The following FTCDNL1 variants were observed in gnomAD, a reference collection of about 807,000 sequenced individuals.
The protein encoded by FTCDNL1 is formiminotransferase N-terminal subdomain-containing protein.
In FTCDNL1, 11 loss-of-function variants were observed where a neutral mutation model predicts 5.9. The observed-to-expected ratio is 1.87, with a 90% confidence interval of 1.18 to 3.10. The LOEUF is 3.10. Ranked by LOEUF, FTCDNL1 falls within the 30% of genes most tolerant of loss-of-function variation. FTCDNL1 has a pLI of 0.00. For synonymous variants in FTCDNL1, 58 were observed against 24.8 expected, an observed-to-expected ratio of 2.34 and a Z score of -3.99; for missense variants, 115 against 65.5, an observed-to-expected ratio of 1.76 and a Z score of -2.61.
At chr2:199,667,718 T>A in the FTCDNL1 span, among the ~76,000 whole-genome samples, 1 of 152,202 alleles carries the variant, frequency 6.6e-6, no homozygotes, top group Non-Finnish European at 1.5e-5. Context: ...GTTCTTCCAC[T>A]TTATTAGTGG....
chr2:199,727,259 C>T, the FTCDNL1 span, among the ~76,000 whole-genome samples: 1 of 152,232 alleles, frequency 6.6e-6, no homozygotes, highest in African/African-American at 2.4e-5. Context: ...CCAGCACCAG[C>T]AGGGGAAAAT....
At chr2:199,712,870 C>T in the FTCDNL1 span, among the ~76,000 whole-genome samples, 1 of 152,322 alleles carries the variant, frequency 6.6e-6, no homozygotes, top group African/African-American at 2.4e-5. Context: ...AGAGCTCACC[C>T]TACTGCAGTA....
At chr2:199,753,908 T>A in the FTCDNL1 span, among the ~76,000 whole-genome samples, 1 of 152,192 alleles carries the variant, frequency 6.6e-6, no homozygotes. Flanking sequence ...TTACTGTGGA[T>A]TATGATTGGA....
At chr2:199,797,995 T>A (rs1470498780) in intron 3 of FTCDNL1, among the ~76,000 whole-genome samples, 1 of 152,194 alleles carries the variant, frequency 6.6e-6, no homozygotes, top group Non-Finnish European at 1.5e-5. Flanking sequence ...AGGAAGTAAG[T>A]CAGGTGTTTG....
At chr2:199,720,413 T>G in the FTCDNL1 span, among the ~76,000 whole-genome samples, 26 of 152,318 alleles carry the variant, frequency 1.7e-4, no homozygotes, top group African/African-American at 6.0e-4. Context: ...AGGGCTGCCA[T>G]AGCAAATTAC....
the FTCDNL1 span, among the ~76,000 whole-genome samples, chr2:199,752,991 C>T: frequency 2.6e-5 from 4 of 152,052 alleles, no homozygotes; most frequent in Non-Finnish European, 1.5e-5. Context: ...CGATAAGTGC[C>T]ACAAGTAAAT....
At chr2:199,792,749 G>A (rs1372646751) in intron 3 of FTCDNL1, among the ~76,000 whole-genome samples, 1 of 151,974 alleles carries the variant, frequency 6.6e-6, no homozygotes, top group Non-Finnish European at 1.5e-5. Context: ...TTATCTCCTC[G>A]TGTCTCTGCA....
chr2:199,719,711 T>G, the FTCDNL1 span, among the ~76,000 whole-genome samples: 2 of 152,126 alleles, frequency 1.3e-5, no homozygotes, highest in Admixed American at 6.6e-5. Flanking sequence ...CTCAGCTCAC[T>G]GCAACCTCTG....
At chr2:199,782,920 AT>A (rs531797545) in intron 3 of FTCDNL1, among the ~76,000 whole-genome samples, 1 of 152,148 alleles carries the variant, frequency 6.6e-6, no homozygotes, top group Admixed American at 6.5e-5. Flanking sequence ...AAGGACTATG[AT>A]TTTTTTGGGG....
chr2:199,836,023 T>C (rs1702713034), intron 3 of FTCDNL1, among the ~76,000 whole-genome samples: 1 of 152,224 alleles, frequency 6.6e-6, no homozygotes, highest in Non-Finnish European at 1.5e-5. Context: ...TTTTTAGCTG[T>C]AAATCTCAAC....
chr2:199,827,579 C>A (rs545332139), intron 3 of FTCDNL1, among the ~76,000 whole-genome samples: 7 of 151,576 alleles, frequency 4.6e-5, no homozygotes, highest in African/African-American at 1.5e-4. Context: ...GAGTGAAATA[C>A]CATGATCTTT....
At chr2:199,672,300 C>T in the FTCDNL1 span, among the ~76,000 whole-genome samples, 1 of 152,020 alleles carries the variant, frequency 6.6e-6, no homozygotes, top group Non-Finnish European at 1.5e-5. Flanking sequence ...TTTAGCTAAT[C>T]AGGGATATAC....
chr2:199,713,148 C>T, the FTCDNL1 span, among the ~76,000 whole-genome samples: 1 of 152,014 alleles, frequency 6.6e-6, no homozygotes, highest in Admixed American at 6.6e-5. Flanking sequence ...AGGTCTGGGT[C>T]TTAAAGTTAA....
chr2:199,678,001 C>T, the FTCDNL1 span, among the ~76,000 whole-genome samples: 1 of 152,168 alleles, frequency 6.6e-6, no homozygotes, highest in Admixed American at 6.6e-5. Context: ...ATGAATCCTA[C>T]CCTCATTTCC....
At chr2:199,813,500 G>T (rs1701157954) in intron 4 of FTCDNL1, among the ~76,000 whole-genome samples, 1 of 152,044 alleles carries the variant, frequency 6.6e-6, no homozygotes, top group South Asian at 2.1e-4. Flanking sequence ...GAGAGAGCTG[G>T]GATGGTGTTT....
the FTCDNL1 span, among the ~76,000 whole-genome samples, chr2:199,731,723 C>A: frequency 6.6e-6 from 1 of 152,016 alleles, no homozygotes; most frequent in Non-Finnish European, 1.5e-5. Flanking sequence ...CCCGTCTCTA[C>A]TAAAAATACA....
intron 3 of FTCDNL1, among the ~76,000 whole-genome samples, chr2:199,832,416 A>ACAGG (rs1218259879): frequency 2.0e-5 from 3 of 152,200 alleles, no homozygotes; most frequent in African/African-American, 4.8e-5. Flanking sequence ...TGGAAACATA[A>ACAGG]CAGGCACTCC....
chr2:199,690,682 T>C, the FTCDNL1 span, among the ~76,000 whole-genome samples: 1 of 152,152 alleles, frequency 6.6e-6, no homozygotes. Context: ...TTTACTCCAA[T>C]TCCCTAAGAA....
At chr2:199,760,612 C>T (rs1698224736) in exon 4 of FTCDNL1, 1 of 511,214 alleles carries the variant, frequency 2.0e-6, no homozygotes, top group Middle Eastern at 2.9e-4. Context: ...CATGGGGAAA[C>T]ATTCTTTTAC....
Sources: gnomAD v4.1 joint callset for allele counts (sites outside exome capture counted in the v4.1 genomes callset) on GRCh38, gnomAD v4.1.1 for gene constraint, MANE v1.5 for transcripts, NCBI Gene and HGNC (gene_info 2026-07-23, HGNC 2026-07-21) for gene names.